SHLD1: variants seen among roughly 807,000 people sequenced by gnomAD.
SHLD1 encodes the protein RINN1-REV7-interacting novel NHEJ regulator 3.
In SHLD1, 3 loss-of-function variants were observed where a neutral mutation model predicts 5.5. The ratio of observed to expected loss-of-function variants is 0.54; its 90% confidence interval spans 0.25 to 1.40. The LOEUF is 1.40. SHLD1 is among the 40% of genes most tolerant of loss of function. The pLI is 0.15. For synonymous variants in SHLD1, 92 were observed against 94.3 expected, an observed-to-expected ratio of 0.98 and a Z score of 0.14; for missense variants, 210 against 244.4, an observed-to-expected ratio of 0.86 and a Z score of 0.94.
chr20:5,836,061 C>T (rs919151970), intron 2 of SHLD1, among the ~76,000 whole-genome samples: 22 of 150,794 alleles, frequency 1.5e-4, no homozygotes, highest in Non-Finnish European at 3.0e-4. Context: ...TATTTTCTGT[C>T]TATTTTTTTT....
intron 2 of SHLD1, among the ~76,000 whole-genome samples, chr20:5,795,997 A>C (rs1409811314): frequency 6.6e-6 from 1 of 152,090 alleles, no homozygotes; most frequent in Non-Finnish European, 1.5e-5. Flanking sequence ...GTCTCAAAAA[A>C]AAAAAAGAAA....
chr20:5,856,252 G>C (rs946346198), intron 2 of SHLD1, among the ~76,000 whole-genome samples: 3 of 152,242 alleles, frequency 2.0e-5, no homozygotes, highest in Admixed American at 2.0e-4. Context: ...CAGAGCAACA[G>C]CAAGTGCAAA....
chr20:5,754,554 G>A (rs1490014663), intron 1 of SHLD1, among the ~76,000 whole-genome samples: 3 of 152,060 alleles, frequency 2.0e-5, no homozygotes, highest in Non-Finnish European at 4.4e-5. Flanking sequence ...GGTTTATTCC[G>A]AGCCAAATAT....
intron 2 of SHLD1, among the ~76,000 whole-genome samples, chr20:5,828,014 A>G (rs900689972): frequency 6.6e-6 from 1 of 152,268 alleles, no homozygotes; most frequent in Admixed American, 6.5e-5. Context: ...ATGCAAAGAT[A>G]CGATGAATAT....
intron 2 of SHLD1, among the ~76,000 whole-genome samples, chr20:5,842,532 C>G (rs545826416): frequency 2.0e-5 from 3 of 152,230 alleles, no homozygotes; most frequent in African/African-American, 7.2e-5. Flanking sequence ...AGGATTTGTG[C>G]TTTATCAGTT....
chr20:5,753,722 G>A (rs532079097), intron 1 of SHLD1, among the ~76,000 whole-genome samples: 1 of 152,278 alleles, frequency 6.6e-6, no homozygotes, highest in African/African-American at 2.4e-5. Flanking sequence ...TAAAAGATTA[G>A]GGTGGGATGG....
chr20:5,847,741 G>A (rs1029185756), intron 2 of SHLD1, among the ~76,000 whole-genome samples: 12 of 152,304 alleles, frequency 7.9e-5, no homozygotes, highest in South Asian at 4.1e-4. Flanking sequence ...ATCAGAATTT[G>A]GCAAAGATGT....
intron 2 of SHLD1, among the ~76,000 whole-genome samples, chr20:5,853,922 C>T (rs2088046848): frequency 6.6e-6 from 1 of 151,978 alleles, no homozygotes; most frequent in Non-Finnish European, 1.5e-5. Flanking sequence ...TCACTGCAGC[C>T]TCCACCTCCT....
chr20:5,808,839 G>A (rs1034209812), intron 2 of SHLD1, among the ~76,000 whole-genome samples: 3 of 152,154 alleles, frequency 2.0e-5, no homozygotes, highest in East Asian at 1.9e-4. Context: ...ACAAAAGATC[G>A]CCTTTATTTG....
intron 2 of SHLD1, among the ~76,000 whole-genome samples, chr20:5,780,995 TGA>T (rs2086982819): frequency 6.6e-6 from 1 of 152,224 alleles, no homozygotes; most frequent in Non-Finnish European, 1.5e-5. Flanking sequence ...GATAAGAATC[TGA>T]GAGTGTTAGA....
At chr20:5,778,617 A>AT (rs1001243717) in intron 2 of SHLD1, among the ~76,000 whole-genome samples, 6 of 151,890 alleles carry the variant, frequency 4.0e-5, no homozygotes, top group South Asian at 2.1e-4. Context: ...AAAAAAAAAA[A>AT]AAAATAAGGA....
chr20:5,821,398 A>C (rs1228712592), intron 2 of SHLD1, among the ~76,000 whole-genome samples: 2 of 152,176 alleles, frequency 1.3e-5, no homozygotes, highest in Non-Finnish European at 2.9e-5. Context: ...CTATAATCCC[A>C]GCTGCTCAGG....
intron 2 of SHLD1, among the ~76,000 whole-genome samples, chr20:5,819,485 AG>A (rs1163086207): frequency 6.6e-6 from 1 of 152,186 alleles, no homozygotes; most frequent in Non-Finnish European, 1.5e-5. Context: ...CATGCACTGT[AG>A]GAACAACACC....
chr20:5,849,296 G>A (rs1164985706), intron 2 of SHLD1, among the ~76,000 whole-genome samples: 1 of 152,174 alleles, frequency 6.6e-6, no homozygotes, highest in Admixed American at 6.5e-5. Flanking sequence ...GTGAATCAGG[G>A]CCAATTCACT....
intron 2 of SHLD1, among the ~76,000 whole-genome samples, chr20:5,830,581 A>G (rs237078): frequency 0.4 from 61,200 of 151,388 alleles, 14,852 homozygotes; most frequent in African/African-American, 0.69. Context: ...TCAGCTACTC[A>G]GGAGGCTGAG....
At chr20:5,772,480 T>C (rs986066997) in intron 1 of SHLD1, among the ~76,000 whole-genome samples, 1 of 152,248 alleles carries the variant, frequency 6.6e-6, no homozygotes, top group African/African-American at 2.4e-5. Context: ...TTGAAATTTA[T>C]GAATTGTTTA....
intron 2 of SHLD1, among the ~76,000 whole-genome samples, chr20:5,833,615 AAGAG>A (rs143899212): frequency 8.0e-5 from 12 of 150,648 alleles, no homozygotes; most frequent in African/African-American, 2.9e-4. Flanking sequence ...TGCCTGTAGG[AAGAG>A]AGAGAGAGAG....
At chr20:5,758,783 G>C (rs1036097489) in intron 1 of SHLD1, among the ~76,000 whole-genome samples, 2 of 152,008 alleles carry the variant, frequency 1.3e-5, no homozygotes, top group Non-Finnish European at 2.9e-5. Flanking sequence ...GAGGTGGGAG[G>C]ACGCTTTGGG....
intron 2 of SHLD1, among the ~76,000 whole-genome samples, chr20:5,827,518 G>T (rs2087680307): frequency 6.6e-6 from 1 of 152,064 alleles, no homozygotes; most frequent in Non-Finnish European, 1.5e-5. Flanking sequence ...GGAGTCATGG[G>T]CCCCCGCAGT....
Sources: allele counts gnomAD v4.1 joint callset (sites outside exome capture counted in the v4.1 genomes callset), GRCh38; gene constraint gnomAD v4.1.1; transcripts MANE v1.5; gene names NCBI Gene and HGNC (gene_info 2026-07-23, HGNC 2026-07-21).